Variants in SFMBT1 observed in about 807,000 individuals in gnomAD.
SFMBT1 encodes Scm like with four mbt domains 1, also known as scm-like with four MBT domains protein 1.
SFMBT1 carries 32 observed loss-of-function variants against 108.7 expected under a neutral mutation model. The observed-to-expected ratio is 0.29, with a 90% confidence interval of 0.22 to 0.40. The LOEUF (loss-of-function observed/expected upper bound fraction) is 0.40, where lower values mean the gene tolerates loss of function less well. SFMBT1 is among the 10% of genes least tolerant of loss of function. The pLI is 1.00. For missense variants in SFMBT1, 816 were observed against 1,059.6 expected, an observed-to-expected ratio of 0.77 and a Z score of 3.19; for synonymous variants, 348 against 369.5, an observed-to-expected ratio of 0.94 and a Z score of 0.67.
At chr3:52,929,131 C>T (rs1397639515) in intron 8 of SFMBT1, among the ~76,000 whole-genome samples, 1 of 152,142 alleles carries the variant, frequency 6.6e-6, no homozygotes, top group Non-Finnish European at 1.5e-5. Flanking sequence ...TAGTTTGGCT[C>T]CAAACAAAAT....
intron 1 of SFMBT1, among the ~76,000 whole-genome samples, chr3:52,990,048 T>A (rs903339266): frequency 6.6e-6 from 1 of 152,200 alleles, no homozygotes; most frequent in Non-Finnish European, 1.5e-5. Flanking sequence ...AAAGGCTAGT[T>A]GTCTTTTAGG....
intron 14 of SFMBT1, 106 bp downstream of exon 14, chr3:52,916,044 T>G: frequency 1.1e-6 from 1 of 887,804 alleles, no homozygotes; most frequent in South Asian, 1.6e-5. Context: ...GACCCCTCTA[T>G]GAAGACACAT....
At chr3:53,014,158 GC>G (rs1699047454) in intron 1 of SFMBT1, among the ~76,000 whole-genome samples, 1 of 152,076 alleles carries the variant, frequency 6.6e-6, no homozygotes. Context: ...AAGTTATTCT[GC>G]CAACACACCG....
chr3:52,953,608 T>G (rs1703668155), intron 3 of SFMBT1, among the ~76,000 whole-genome samples: 1 of 152,210 alleles, frequency 6.6e-6, no homozygotes, highest in African/African-American at 2.4e-5. Flanking sequence ...ATATGACATG[T>G]AAATATGCAT....
At chr3:53,033,630 C>A (rs946914825) in intron 1 of SFMBT1, among the ~76,000 whole-genome samples, 5 of 152,004 alleles carry the variant, frequency 3.3e-5, no homozygotes, top group African/African-American at 1.2e-4. Context: ...GATTTATACA[C>A]ACACACGTAT....
At chr3:52,952,493 A>G (rs1703628523) in intron 3 of SFMBT1, among the ~76,000 whole-genome samples, 1 of 152,178 alleles carries the variant, frequency 6.6e-6, no homozygotes, top group Non-Finnish European at 1.5e-5. Flanking sequence ...AGGTTGTCTT[A>G]GTCCATCTGG....
At position 53,001,252 on chromosome 3, in the gene SFMBT1, C is replaced by T. The variant is rs1403397018; in HGVS notation, c.-130-31994G>A. 2.7e-5 allele frequency among the ~76,000 whole-genome samples: 4 copies of T among 149,980 alleles called. 1 individual carries two copies. The highest frequency in any genetic ancestry group is 6.0e-5 in the Non-Finnish European group (4 of 66,958). ...TTCAGCCTGGGCAACATAGTGAGAC[C>T]CTGTCTCTTAAAAAAAGATTTTCTT... On this transcript the variant is annotated intron_variant, in intron 1 of 20. Coordinates refer to ENST00000394752, the MANE Select transcript of SFMBT1 (RefSeq NM_016329.4).
At position 52,920,561 on chromosome 3, in the gene SFMBT1, G is replaced by A; in HGVS notation, c.1348C>T (p.Leu450Phe). ...LGWCETNGHP[L>F]STPRRARVYK... is the part of the protein sequence containing the mutation. ...CCTCGTGCTCGGCGAGGAGTGCTGA[G>A]GGGGTGGCCGTTGGTTTCACACCAG... Residue 450 changes from leucine to phenylalanine, a missense_variant, in exon 12 of 21, where the codon CTC (leucine) becomes TTC (phenylalanine). By Grantham distance (22) the Leu-to-Phe change is conservative (BLOSUM62 0). This residue lies in a region of SFMBT1 where 495 missense variants were observed against 607.4 expected (regional missense o/e 0.81). Coordinates refer to ENST00000394752, the MANE Select transcript of SFMBT1 (RefSeq NM_016329.4). The A allele has an allele frequency of 6.2e-7, 1 of 1,613,800 alleles. No individual in the cohort carries two copies.
chr3:52,938,243 ATTTG>A (rs965040289), intron 4 of SFMBT1, among the ~76,000 whole-genome samples: 1 of 152,156 alleles, frequency 6.6e-6, no homozygotes, highest in Non-Finnish European at 1.5e-5. Context: ...ATCTGAATTT[ATTTG>A]TTTACTTCTA....
intron 9 of SFMBT1, among the ~76,000 whole-genome samples, chr3:52,927,219 G>C (rs1484368478): frequency 6.6e-6 from 1 of 152,082 alleles, no homozygotes; most frequent in Non-Finnish European, 1.5e-5. Context: ...GAGACTCTAG[G>C]AAGTTCTGTT....
At chr3:53,040,258 A>C (rs1699995378) in intron 1 of SFMBT1, among the ~76,000 whole-genome samples, 1 of 151,894 alleles carries the variant, frequency 6.6e-6, no homozygotes, top group Non-Finnish European at 1.5e-5. Context: ...TTTTTTAAAA[A>C]CTCTTCAGGG....
At chr3:52,935,857 CTCTT>C (rs1034250121) in intron 4 of SFMBT1, among the ~76,000 whole-genome samples, 3 of 152,192 alleles carry the variant, frequency 2.0e-5, no homozygotes, top group African/African-American at 7.2e-5. Flanking sequence ...TCCCTACTCT[CTCTT>C]TTTTTACTCC....
rs374718502 is a variant in SFMBT1 at position 52,969,175 on chromosome 3, G to A, written c.-47C>T. ...TATATCCTCCCAAAACAAAGGAAAG[G>A]CCTATGGTTCTGCTAGGATCTGAAG... On this transcript the variant is annotated 5_prime_UTR_variant, in exon 2 of 21. Coordinates refer to ENST00000394752, the MANE Select transcript of SFMBT1 (RefSeq NM_016329.4). 1 of 1,612,008 alleles carries A rather than the reference G, an allele frequency of 6.2e-7. No homozygotes were observed. Among genetic ancestry groups the A allele is most frequent in the Non-Finnish European group, 8.5e-7 (1 of 1,179,394 alleles).
Position 52,943,407 on chromosome 3 carries a change from G to A in SFMBT1, c.310C>T (p.Leu104Phe), listed in dbSNP as rs1703253084. 2 of 1,614,190 alleles carry A rather than the reference G, an allele frequency of 1.2e-6. No individual in the cohort carries two copies. The highest frequency in any genetic ancestry group is 4.5e-5 in the East Asian group (2 of 44,884). ...TGCTCACACCACCCAATGGGGTAGAGATCAGCCTTCCTGATGTCACACCAG... is the reference window on the plus strand; with the variant it reads ...TGCTCACACCACCCAATGGGGTAGAAATCAGCCTTCCTGATGTCACACCAG... ...DFWCDIRKAD[L>F]YPIGWCEQNK... The change falls in exon 4 of 21, where the codon CTC (leucine) becomes TTC (phenylalanine). Residue 104 changes from leucine (L) to phenylalanine (F), a missense_variant. Around this residue, in one of 5 missense-constraint regions of SFMBT1, gnomAD observed 495 missense variants for 607.4 expected, o/e 0.81. Transcript: ENST00000394752.
chr3:53,012,256 C>T (rs904755978), intron 1 of SFMBT1, among the ~76,000 whole-genome samples: 3 of 152,252 alleles, frequency 2.0e-5, no homozygotes, highest in African/African-American at 7.2e-5. Flanking sequence ...TGGTGGAAGC[C>T]GAGGCTACGA....
At chr3:53,034,210 G>T (rs1699789960) in intron 1 of SFMBT1, among the ~76,000 whole-genome samples, 1 of 151,876 alleles carries the variant, frequency 6.6e-6, no homozygotes, top group South Asian at 2.1e-4. Context: ...TTTATTACTT[G>T]CATTGCATTT....
At chr3:52,988,167 A>T (rs1704996034) in intron 1 of SFMBT1, among the ~76,000 whole-genome samples, 1 of 152,220 alleles carries the variant, frequency 6.6e-6, no homozygotes, top group African/African-American at 2.4e-5. Context: ...CGTGATTATA[A>T]GAGAGGATGC....
intron 10 of SFMBT1, among the ~76,000 whole-genome samples, chr3:52,922,116 C>A (rs1702538166): frequency 6.6e-6 from 1 of 152,160 alleles, no homozygotes; most frequent in Non-Finnish European, 1.5e-5. Flanking sequence ...AGTTTCTTCA[C>A]CTGTCAGATG....
At chr3:52,948,982 A>C (rs982488186) in intron 3 of SFMBT1, among the ~76,000 whole-genome samples, 107 of 151,550 alleles carry the variant, frequency 7.1e-4, no homozygotes, top group African/African-American at 2.5e-3. Flanking sequence ...TTTTTTTTAC[A>C]TTTAATCCTA....
Sources: gnomAD v4.1 joint callset for allele counts (sites outside exome capture counted in the v4.1 genomes callset) on GRCh38, gnomAD v4.1.1 for gene constraint, gnomAD v4.1.1 regional missense constraint, MANE v1.5 for transcripts, NCBI Gene and HGNC (gene_info 2026-07-23, HGNC 2026-07-21) for gene names.